The following PDSS2 variants were observed in gnomAD, a reference collection of about 807,000 sequenced individuals.
PDSS2 encodes the protein all trans-polyprenyl-diphosphate synthase PDSS2.
In PDSS2, 31 loss-of-function variants were observed where a neutral mutation model predicts 44.5. The ratio of observed to expected loss-of-function variants is 0.70; its 90% CI spans 0.52 to 0.94. PDSS2 has a LOEUF of 0.94. Among genes scored for constraint, PDSS2 ranks in the 40% least tolerant of loss-of-function variants. The probability of loss-of-function intolerance (pLI) is 0.00; values close to 1 mark genes in which losing one functional copy is unlikely to be tolerated. For missense variants in PDSS2, 452 were observed against 482.2 expected (o/e 0.94, Z 0.59); for synonymous variants, 157 against 180.3 (o/e 0.87, Z 1.03).
intron 2 of PDSS2, among the ~76,000 whole-genome samples, chr6:107,283,771 G>T (rs1776049817): frequency 6.6e-6 from 1 of 151,692 alleles, no homozygotes; most frequent in Non-Finnish European, 1.5e-5. Flanking sequence ...GGTGGCTCAC[G>T]CCTGTAATCC....
At chr6:107,451,132 G>A (rs556560152) in intron 1 of PDSS2, among the ~76,000 whole-genome samples, 18 of 152,270 alleles carry the variant, frequency 1.2e-4, no homozygotes, top group Non-Finnish European at 1.8e-4. Flanking sequence ...GTGCCCAGTC[G>A]TATGTTTAAT....
chr6:107,364,019 G>A (rs1778874768), intron 1 of PDSS2, among the ~76,000 whole-genome samples: 2 of 152,184 alleles, frequency 1.3e-5, no homozygotes, highest in South Asian at 2.1e-4. Flanking sequence ...AGACATAAAG[G>A]TTCTCCACGT....
intron 1 of PDSS2, among the ~76,000 whole-genome samples, chr6:107,352,939 C>T (rs1209168643): frequency 6.6e-6 from 1 of 152,114 alleles, no homozygotes; most frequent in Non-Finnish European, 1.5e-5. Context: ...AGACTTGCCC[C>T]ATAGGATTAT....
chr6:107,397,869 T>C (rs1434372540), intron 1 of PDSS2, among the ~76,000 whole-genome samples: 15 of 152,198 alleles, frequency 9.9e-5, no homozygotes, highest in Non-Finnish European at 2.9e-5. Flanking sequence ...ATAAATATGG[T>C]ATTTTTAAAT....
At chr6:107,240,308 C>T (rs1392942392) in intron 4 of PDSS2, among the ~76,000 whole-genome samples, 2 of 151,692 alleles carry the variant, frequency 1.3e-5, no homozygotes, top group African/African-American at 4.8e-5. Context: ...ATTCGGAAGG[C>T]AAGGACTGCT....
chr6:107,338,038 G>A (rs1037892928), intron 1 of PDSS2, among the ~76,000 whole-genome samples: 1 of 152,012 alleles, frequency 6.6e-6, no homozygotes, highest in East Asian at 1.9e-4. Flanking sequence ...TTAAATAACT[G>A]TTTCCAAAAC....
At chr6:107,418,649 C>A (rs1472718465) in intron 1 of PDSS2, among the ~76,000 whole-genome samples, 1 of 152,086 alleles carries the variant, frequency 6.6e-6, no homozygotes, top group Non-Finnish European at 1.5e-5. Flanking sequence ...GTGGCAGGCA[C>A]CTGTAGTCCC....
chr6:107,267,790 G>A (rs1268859824), intron 3 of PDSS2, among the ~76,000 whole-genome samples: 3 of 150,686 alleles, frequency 2.0e-5, no homozygotes, highest in African/African-American at 4.9e-5. Flanking sequence ...ACAGGGTCTT[G>A]CTATGTTGCC....
chr6:107,215,182 G>A (rs1032337401), intron 4 of PDSS2, among the ~76,000 whole-genome samples: 2 of 152,164 alleles, frequency 1.3e-5, no homozygotes, highest in East Asian at 1.9e-4. Flanking sequence ...ATACTGCAGA[G>A]GTATTTGACA....
chr6:107,198,432 A>G (rs1212486103), intron 6 of PDSS2, among the ~76,000 whole-genome samples: 2 of 152,220 alleles, frequency 1.3e-5, no homozygotes, highest in Non-Finnish European at 2.9e-5. Flanking sequence ...TCATTTTGTC[A>G]CAATAAATGT....
intron 1 of PDSS2, among the ~76,000 whole-genome samples, chr6:107,343,872 A>G (rs893941797): frequency 6.6e-6 from 1 of 152,214 alleles, no homozygotes; most frequent in African/African-American, 2.4e-5. Flanking sequence ...AAAAAATACT[A>G]CCAAACGGTA....
At chr6:107,390,800 A>C (rs545733955) in intron 1 of PDSS2, among the ~76,000 whole-genome samples, 2 of 152,250 alleles carry the variant, frequency 1.3e-5, no homozygotes, top group South Asian at 4.1e-4. Context: ...AATAGATATA[A>C]GCCAGAATCA....
intron 4 of PDSS2, among the ~76,000 whole-genome samples, chr6:107,240,498 A>C (rs1774386634): frequency 6.6e-6 from 1 of 150,978 alleles, no homozygotes; most frequent in Admixed American, 6.6e-5. Flanking sequence ...TCCCAGGTTC[A>C]AGCGATCCTC....
chr6:107,161,342 TGG>T (rs1771122358), intron 7 of PDSS2, among the ~76,000 whole-genome samples: 1 of 151,792 alleles, frequency 6.6e-6, no homozygotes, highest in African/African-American at 2.4e-5. Flanking sequence ...TAGCCAGGCG[TGG>T]TGCCGGGCGC....
At chr6:107,189,154 C>T (rs1485206447) in intron 7 of PDSS2, among the ~76,000 whole-genome samples, 1 of 152,090 alleles carries the variant, frequency 6.6e-6, no homozygotes, top group Non-Finnish European at 1.5e-5. Flanking sequence ...CTCAAGCAAT[C>T]CTCCCACCTC....
At chr6:107,205,241 T>G (rs1308181413) in intron 6 of PDSS2, among the ~76,000 whole-genome samples, 1 of 152,238 alleles carries the variant, frequency 6.6e-6, no homozygotes, top group Non-Finnish European at 1.5e-5. Flanking sequence ...TGTAGTACAC[T>G]TAAGGTATTT....
rs549715318 is a variant in PDSS2 at position 107,294,413 on chromosome 6, T to TA, written c.432-20187dup. 4.6e-5 allele frequency among the ~76,000 whole-genome samples: 7 copies of TA among 152,042 alleles called. No homozygotes were observed. The East Asian group carries it at 5.8e-4, about 13-fold the overall frequency. On this transcript the variant is annotated intron_variant, in intron 2 of 7. Transcript: ENST00000369037. ...AATTCCTCAGAATTTTTTTTTTAAT[T>TA]AAAAAAAATTTTTTTTAGAGACAGG...
intron 6 of PDSS2, among the ~76,000 whole-genome samples, chr6:107,199,700 GTGTC>G (rs1772703871): frequency 6.6e-6 from 1 of 152,214 alleles, no homozygotes; most frequent in African/African-American, 2.4e-5. Flanking sequence ...GTTGAGATCA[GTGTC>G]TGAGTGAATG....
intron 1 of PDSS2, among the ~76,000 whole-genome samples, chr6:107,371,855 C>T (rs1475262107): frequency 2.6e-5 from 4 of 152,190 alleles, no homozygotes; most frequent in Admixed American, 6.5e-5. Flanking sequence ...TATTCTAATG[C>T]TGGCATGTGC....
Sources: gnomAD v4.1 joint callset for allele counts (sites outside exome capture counted in the v4.1 genomes callset) on GRCh38, gnomAD v4.1.1 for gene constraint, MANE v1.5 for transcripts, NCBI Gene and HGNC (gene_info 2026-07-23, HGNC 2026-07-21) for gene names.